Variants in CADPS2 observed in about 807,000 individuals in gnomAD.
CADPS2 encodes the protein calcium dependent secretion activator 2, also known as calcium-dependent secretion activator 2.
Under a neutral mutation model 172.5 loss-of-function variants are expected in CADPS2, and 93 were observed. That is an observed-to-expected ratio of 0.54 (90% confidence interval 0.46 to 0.64). The LOEUF (loss-of-function observed/expected upper bound fraction) is 0.64. CADPS2 is among the 30% of genes least tolerant of loss of function. The pLI is 0.00. For synonymous variants in CADPS2, 546 were observed against 555.2 expected, an observed-to-expected ratio of 0.98 and a Z score of 0.23; for missense variants, 1,420 against 1,565.9, an observed-to-expected ratio of 0.91 and a Z score of 1.57.
chr7:122,864,523 A>C (rs75396994), intron 1 of CADPS2, among the ~76,000 whole-genome samples: 1,525 of 152,170 alleles, frequency 0.01, 23 homozygotes, highest in African/African-American at 0.034. Context: ...TCACATGGCC[A>C]CTTGTAGCTC....
rs869246600 is a variant in CADPS2 at position 122,803,974 on chromosome 7, G to GAAAA, written c.340-66910_340-66907dup. 3.9e-3 allele frequency among the ~76,000 whole-genome samples: 333 copies of GAAAA among 85,058 alleles called. 6 individuals are homozygous for GAAAA. The highest frequency in any genetic ancestry group is 0.013 in the African/African-American group (293 of 23,154). 55.8% of individuals were successfully genotyped at this position (85,058 alleles called of 152,430 possible). ...GTCTTTTTAAAACCAGGCTTGAATG[G>GAAAA]AAAAAAAAAAAAAAAAAAAAAAAAC... On this transcript the variant is annotated intron_variant, in intron 1 of 29. Transcript: ENST00000449022.
chr7:122,606,397 A>T (rs910361656), intron 6 of CADPS2, among the ~76,000 whole-genome samples: 1 of 152,096 alleles, frequency 6.6e-6, no homozygotes, highest in African/African-American at 2.4e-5. Context: ...ATTCCTGGGG[A>T]AGTTGTCTTG....
At position 122,320,319 on chromosome 7, in the gene CADPS2, C is replaced by T; in HGVS notation, c.3737G>A (p.Arg1246Gln). ...KIVKKTYRDF[R>Q]LQGVLEGTLN... ...TGTTCCTTCCAACACACCCTGCAAT[C>T]GAAAGTCCCTGTAGGTTTTCTGAAG... Residue 1246 changes from arginine to glutamine, a missense_variant, in exon 30 of 30, where the codon CGA (arginine) becomes CAA (glutamine). Transcript: ENST00000449022. The T allele has an allele frequency of 2.5e-6, 4 of 1,599,978 alleles. No homozygotes were observed. Among genetic ancestry groups the T allele is most frequent in the Non-Finnish European group, 3.4e-6 (4 of 1,173,430 alleles).
intron 6 of CADPS2, among the ~76,000 whole-genome samples, chr7:122,588,644 T>G (rs575012022): frequency 1.3e-5 from 2 of 152,088 alleles, no homozygotes; most frequent in African/African-American, 4.8e-5. Context: ...TAGCATTGAT[T>G]CTGATATTCT....
At chr7:122,469,314 T>C (rs1441932631) in intron 14 of CADPS2, among the ~76,000 whole-genome samples, 1 of 152,190 alleles carries the variant, frequency 6.6e-6, no homozygotes, top group Non-Finnish European at 1.5e-5. Flanking sequence ...AATATTCTGA[T>C]TATACAGTTT....
At chr7:122,374,194 CTAAG>C (rs993001750) in intron 25 of CADPS2, among the ~76,000 whole-genome samples, 5 of 152,036 alleles carry the variant, frequency 3.3e-5, no homozygotes, top group African/African-American at 1.2e-4. Flanking sequence ...CTTGACAAAA[CTAAG>C]TAATGTTTCA....
chr7:122,858,278 C>T (rs1179116973), intron 1 of CADPS2, among the ~76,000 whole-genome samples: 1 of 152,158 alleles, frequency 6.6e-6, no homozygotes, highest in Non-Finnish European at 1.5e-5. Context: ...CTCATTAATG[C>T]TTCAGTGCCC....
At chr7:122,476,410 TA>T (rs2056626072) in intron 12 of CADPS2, among the ~76,000 whole-genome samples, 1 of 152,068 alleles carries the variant, frequency 6.6e-6, no homozygotes, top group African/African-American at 2.4e-5. Flanking sequence ...TAGAAGCAAT[TA>T]AAAAATGGGC....
intron 2 of CADPS2, among the ~76,000 whole-genome samples, chr7:122,714,884 G>A (rs1029203456): frequency 3.3e-5 from 5 of 152,134 alleles, no homozygotes; most frequent in African/African-American, 1.2e-4. Flanking sequence ...CTGCAGTGAA[G>A]TAGACACTAT....
intron 8 of CADPS2, among the ~76,000 whole-genome samples, chr7:122,521,876 C>T (rs1426693719): frequency 1.3e-5 from 2 of 152,070 alleles, no homozygotes; most frequent in Non-Finnish European, 2.9e-5. Flanking sequence ...AGTTTCATCT[C>T]AGTTAAATCC....
chr7:122,780,691 G>C (rs1792459892), intron 1 of CADPS2, among the ~76,000 whole-genome samples: 2 of 151,824 alleles, frequency 1.3e-5, no homozygotes, highest in Admixed American at 6.6e-5. Flanking sequence ...TTTATTTTTT[G>C]AGAGAGAGAG....
In CADPS2 at chr7:122,773,931, G is replaced by A. The variant is rs533050427; in HGVS notation, c.340-36863C>T. ...CACCTTGTTTGTTCTGACAATAGAC[G>A]AATTATAAATTTATGTCTGCTTAGC... On this transcript the variant is annotated intron_variant, in intron 1 of 29. Transcript: ENST00000449022. Among the ~76,000 whole-genome samples the A allele has an allele frequency of 4.2e-4, 64 of 151,946 alleles. 1 individual carries two copies. Among genetic ancestry groups the A allele is most frequent in the Middle Eastern group, 3.4e-3 (1 of 294 alleles).
intron 2 of CADPS2, among the ~76,000 whole-genome samples, chr7:122,699,418 G>T (rs1292401893): frequency 6.6e-6 from 1 of 152,074 alleles, no homozygotes; most frequent in Non-Finnish European, 1.5e-5. Flanking sequence ...AAGTGAAGGA[G>T]ATATTTCCAA....
chr7:122,510,408 C>A (rs935168788), intron 9 of CADPS2, among the ~76,000 whole-genome samples: 1 of 152,144 alleles, frequency 6.6e-6, no homozygotes, highest in Non-Finnish European at 1.5e-5. Context: ...TATTTTCCCA[C>A]CTTTTGACTC....
chr7:122,409,862 C>T (rs1401444007), intron 19 of CADPS2, among the ~76,000 whole-genome samples: 2 of 152,136 alleles, frequency 1.3e-5, no homozygotes, highest in East Asian at 1.9e-4. Context: ...AGGAGAAAAC[C>T]TCCCTCAGAA....
At chr7:122,825,810 A>T (rs993712595) in intron 1 of CADPS2, among the ~76,000 whole-genome samples, 1 of 152,200 alleles carries the variant, frequency 6.6e-6, no homozygotes, top group Non-Finnish European at 1.5e-5. Flanking sequence ...TAATATTACA[A>T]CCAGTATATT....
At chr7:122,792,094 C>G (rs998846880) in intron 1 of CADPS2, among the ~76,000 whole-genome samples, 1 of 152,162 alleles carries the variant, frequency 6.6e-6, no homozygotes, top group Non-Finnish European at 1.5e-5. Context: ...TTGTACCAAG[C>G]AAAATGTGTT....
intron 25 of CADPS2, among the ~76,000 whole-genome samples, chr7:122,378,211 T>C (rs2042577931): frequency 6.6e-6 from 1 of 152,184 alleles, no homozygotes; most frequent in South Asian, 2.1e-4. Flanking sequence ...TTTCCAAATA[T>C]TGGTAAGACA....
At chr7:122,696,891 G>C (rs1349045998) in intron 2 of CADPS2, among the ~76,000 whole-genome samples, 1 of 152,040 alleles carries the variant, frequency 6.6e-6, no homozygotes, top group Non-Finnish European at 1.5e-5. Flanking sequence ...TCGAGTGCCA[G>C]GAACTCTGCT....
Sources: gnomAD v4.1 joint callset for allele counts (sites outside exome capture counted in the v4.1 genomes callset) on GRCh38, gnomAD v4.1.1 for gene constraint, MANE v1.5 for transcripts, NCBI Gene and HGNC (gene_info 2026-07-23, HGNC 2026-07-21) for gene names.